The following EPHA4 variants were observed in gnomAD, a reference collection of about 807,000 sequenced individuals.
EPHA4 encodes EPH receptor A4.
In EPHA4, 19 loss-of-function variants were observed where a neutral mutation model predicts 108.3. The ratio of observed to expected loss-of-function variants is 0.18; its 90% CI spans 0.12 to 0.26. The LOEUF (loss-of-function observed/expected upper bound fraction) is 0.26. Ranked by LOEUF, EPHA4 falls within the 10% of genes least tolerant of loss-of-function variation. The probability of loss-of-function intolerance (pLI) is 1.00; values close to 1 mark genes in which losing one functional copy is unlikely to be tolerated. For missense variants in EPHA4, 917 were observed against 1,254.0 expected (o/e 0.73, Z 4.06); for synonymous variants, 449 against 455.5 (o/e 0.99, Z 0.18).
intron 5 of EPHA4, among the ~76,000 whole-genome samples, chr2:221,472,028 G>T (rs1691501941): frequency 6.6e-6 from 1 of 152,064 alleles, no homozygotes; most frequent in South Asian, 2.1e-4. Flanking sequence ...ATAGGATTGG[G>T]ATTAGATTCA....
chr2:221,535,645 C>A (rs1253065393), intron 3 of EPHA4, among the ~76,000 whole-genome samples: 5 of 152,242 alleles, frequency 3.3e-5, no homozygotes, highest in East Asian at 3.9e-4. Flanking sequence ...CAAATAAAGA[C>A]AATCATCCTT....
At chr2:221,504,261 C>G (rs1332128102) in intron 3 of EPHA4, among the ~76,000 whole-genome samples, 2 of 152,058 alleles carry the variant, frequency 1.3e-5, no homozygotes, top group East Asian at 3.9e-4. Flanking sequence ...AAGATTAGTT[C>G]ACACGTATGA....
At chr2:221,524,093 A>G (rs1407110700) in intron 3 of EPHA4, among the ~76,000 whole-genome samples, 1 of 152,242 alleles carries the variant, frequency 6.6e-6, no homozygotes, top group Non-Finnish European at 1.5e-5. Context: ...TGAGGCACCC[A>G]AATCATGCTG....
rs1307998550 is a variant in EPHA4 at position 221,420,292 on chromosome 2, C to A, written c.*1080G>T. On this transcript the variant is annotated 3_prime_UTR_variant, in exon 18 of 18. Coordinates refer to ENST00000281821, the MANE Select transcript of EPHA4 (RefSeq NM_004438.5). ...GCAGAGCTGGTGCTGCGAGACAGTG[C>A]ATTCCTCAGTGCAACTGGAGAACAG... is the stretch of plus-strand genomic sequence containing the variant. The A allele has an allele frequency of 6.6e-6, 1 of 152,662 alleles. No homozygotes were observed. Among genetic ancestry groups the A allele is most frequent in the Non-Finnish European group, 1.5e-5 (1 of 68,038 alleles). 9.5% of individuals were successfully genotyped at this position (152,662 alleles called of 1,614,324 possible).
At chr2:221,515,471 T>C (rs1692963105) in intron 3 of EPHA4, among the ~76,000 whole-genome samples, 1 of 152,164 alleles carries the variant, frequency 6.6e-6, no homozygotes, top group Non-Finnish European at 1.5e-5. Flanking sequence ...CACAAAACAG[T>C]TGAAAATTAC....
intron 8 of EPHA4, among the ~76,000 whole-genome samples, chr2:221,448,272 C>A (rs930999783): frequency 1.3e-5 from 2 of 152,048 alleles, no homozygotes; most frequent in African/African-American, 4.8e-5. Context: ...AAGAGGATCA[C>A]CACGTGCTCT....
chr2:221,539,399 T>C (rs748774748), intron 3 of EPHA4, among the ~76,000 whole-genome samples: 7 of 152,156 alleles, frequency 4.6e-5, no homozygotes, highest in Non-Finnish European at 1.0e-4. Context: ...AAGATGGCAT[T>C]ACACAGCATA....
chr2:221,438,965 G>C (rs1018742854), intron 11 of EPHA4, among the ~76,000 whole-genome samples: 3 of 152,094 alleles, frequency 2.0e-5, no homozygotes, highest in African/African-American at 7.2e-5. Context: ...ATAGGGCATG[G>C]GGAAATTTTT....
chr2:221,499,748 ATATATATATTT>A (rs1218345405), intron 4 of EPHA4, among the ~76,000 whole-genome samples: 64 of 44,912 alleles, frequency 1.4e-3, no homozygotes, highest in African/African-American at 7.2e-3. Context: ...ATATATATAT[ATATATATATTT>A]TTTTTTTTTT....
intron 4 of EPHA4, among the ~76,000 whole-genome samples, chr2:221,492,257 T>C (rs1692167113): frequency 1.3e-5 from 2 of 152,292 alleles, no homozygotes; most frequent in South Asian, 4.1e-4. Flanking sequence ...CTTGGGCATA[T>C]ATTAGTGTCC....
intron 13 of EPHA4, among the ~76,000 whole-genome samples, chr2:221,435,950 A>C (rs952105309): frequency 1.3e-5 from 2 of 151,464 alleles, no homozygotes; most frequent in Non-Finnish European, 2.9e-5. Flanking sequence ...AAAAAAAAAA[A>C]GGAAGAAAGA....
chr2:221,563,127 A>G (rs1166778258), intron 3 of EPHA4, among the ~76,000 whole-genome samples: 4 of 152,316 alleles, frequency 2.6e-5, no homozygotes, highest in Non-Finnish European at 4.4e-5. Context: ...GATTAATTTC[A>G]TTTAGAGAAC....
At chr2:221,423,552 TA>T (rs1038847428) in intron 17 of EPHA4, among the ~76,000 whole-genome samples, 11 of 152,208 alleles carry the variant, frequency 7.2e-5, no homozygotes, top group African/African-American at 2.4e-4. Context: ...GACCTTTGAA[TA>T]AAATAAGATT....
At chr2:221,423,065 T>C (rs900450201) in intron 17 of EPHA4, among the ~76,000 whole-genome samples, 6 of 152,140 alleles carry the variant, frequency 3.9e-5, no homozygotes, top group African/African-American at 1.2e-4. Flanking sequence ...AATAAAACAA[T>C]TGGGGTTACA....
intron 3 of EPHA4, among the ~76,000 whole-genome samples, chr2:221,557,339 T>C (rs761360831): frequency 6.6e-6 from 1 of 152,234 alleles, no homozygotes; most frequent in South Asian, 2.1e-4. Context: ...ATGGTTTCTT[T>C]GTTGGATTGA....
At chr2:221,447,541 G>T (rs764654062) in intron 8 of EPHA4, among the ~76,000 whole-genome samples, 1 of 152,110 alleles carries the variant, frequency 6.6e-6, no homozygotes, top group African/African-American at 2.4e-5. Flanking sequence ...TGTCAGCAGC[G>T]CAAGAACCAG....
chr2:221,569,071 C>A (rs1694753559), intron 1 of EPHA4, among the ~76,000 whole-genome samples: 1 of 152,184 alleles, frequency 6.6e-6, no homozygotes, highest in Non-Finnish European at 1.5e-5. Context: ...ATCTGAAGTA[C>A]AATTCAAAAA....
chr2:221,533,576 T>A (rs560331166), intron 3 of EPHA4, among the ~76,000 whole-genome samples: 16 of 152,204 alleles, frequency 1.1e-4, no homozygotes, highest in South Asian at 8.3e-4. Context: ...ATACAGCTTC[T>A]AAACACACAG....
rs1418271698 is a variant in EPHA4 at position 221,560,073 on chromosome 2, G to C, written c.823+3658C>G. Among the ~76,000 whole-genome samples, 4 of 152,298 alleles carry C rather than the reference G, an allele frequency of 2.6e-5. No homozygotes were observed. The East Asian group carries it at 7.7e-4, about 29-fold the overall frequency. On this transcript the variant is annotated intron_variant, in intron 3 of 17. Coordinates refer to ENST00000281821, the MANE Select transcript of EPHA4 (RefSeq NM_004438.5). ...CCTTTGACGACTCAGTGGATGATCA[G>C]GGTTAGAGTCAAACAACAGCACACC...
Sources: gnomAD v4.1 joint callset for allele counts (sites outside exome capture counted in the v4.1 genomes callset) on GRCh38, gnomAD v4.1.1 for gene constraint, MANE v1.5 for transcripts, NCBI Gene and HGNC (gene_info 2026-07-23, HGNC 2026-07-21) for gene names.